The following DNAAF9 variants were observed in gnomAD, a reference collection of about 807,000 sequenced individuals.
The protein encoded by DNAAF9 is dynein axonemal assembly factor 9, also known as shulin.
Under a neutral mutation model 167.0 loss-of-function variants are expected in DNAAF9, and 90 were observed. That is an observed-to-expected ratio of 0.54 (90% CI 0.45 to 0.64). DNAAF9 has a LOEUF of 0.64. DNAAF9 is among the 30% of genes least tolerant of loss of function. The pLI, the probability that DNAAF9 is intolerant of heterozygous loss-of-function variation, is 0.00. For synonymous variants in DNAAF9, 491 were observed against 508.8 expected (o/e 0.96, Z 0.47); for missense variants, 1,315 against 1,442.2 (o/e 0.91, Z 1.43).
chr20:3,266,752 C>T (rs967795742), intron 30 of DNAAF9, among the ~76,000 whole-genome samples: 2 of 152,170 alleles, frequency 1.3e-5, no homozygotes, highest in African/African-American at 4.8e-5. Context: ...GCTGGGATTA[C>T]TGGCCTGAGC....
At chr20:3,391,475 A>G (rs925543934) in intron 1 of DNAAF9, among the ~76,000 whole-genome samples, 4 of 151,982 alleles carry the variant, frequency 2.6e-5, no homozygotes, top group African/African-American at 4.8e-5. Context: ...ATTTTGAGGG[A>G]AAAAAAGGAA....
At chr20:3,269,578 A>G (rs1208230591) in intron 30 of DNAAF9, among the ~76,000 whole-genome samples, 2 of 152,098 alleles carry the variant, frequency 1.3e-5, no homozygotes, top group South Asian at 2.1e-4. Flanking sequence ...CCATCCTTCA[A>G]TGGATGAGAA....
chr20:3,381,632 C>A, intron 2 of DNAAF9, 134 bp from the exon 3 acceptor site: 2 of 702,354 alleles, frequency 2.8e-6, no homozygotes, highest in Admixed American at 3.4e-5. Context: ...GTGCCAGAAA[C>A]CAAGCTAACC....
chr20:3,309,616 T>G (rs901381512), intron 20 of DNAAF9, among the ~76,000 whole-genome samples: 4 of 152,234 alleles, frequency 2.6e-5, no homozygotes, highest in African/African-American at 9.6e-5. Flanking sequence ...GACAGGTGGC[T>G]ACCTACATTT....
At chr20:3,304,386 A>G in intron 21 of DNAAF9, 54 bp downstream of exon 21, 1 of 833,712 alleles carries the variant, frequency 1.2e-6, no homozygotes, top group Non-Finnish European at 2.1e-6. Flanking sequence ...TTTTCCCCTC[A>G]AAAGTGTGAG....
At chr20:3,257,981 G>A (rs546406222) in intron 33 of DNAAF9, among the ~76,000 whole-genome samples, 9 of 93,132 alleles carry the variant, frequency 9.7e-5, no homozygotes, top group African/African-American at 4.6e-4. Context: ...TGCCTGCCTT[G>A]GCCTCCCAAA....
At position 3,265,046 on chromosome 20, in the gene DNAAF9, T is replaced by C. The variant is rs6139055; in HGVS notation, c.2787-522A>G. Among the ~76,000 whole-genome samples the C allele has an allele frequency of 7.6e-4, 116 of 152,262 alleles. 2 individuals are homozygous for C. In the East Asian group the frequency reaches 0.022, roughly 29 times the overall value. Reference sequence around the variant, plus strand: ...AGGACATTCTCTTACAGAACTACGATATCATGATCACATCCAAGGAATTTA... The same window carrying C: ...AGGACATTCTCTTACAGAACTACGACATCATGATCACATCCAAGGAATTTA... On this transcript the variant is annotated intron_variant, in intron 30 of 36. Coordinates refer to ENST00000252032, the MANE Select transcript of DNAAF9 (RefSeq NM_001009984.3).
chr20:3,401,111 T>G (rs1369780912), intron 1 of DNAAF9, among the ~76,000 whole-genome samples: 5 of 152,218 alleles, frequency 3.3e-5, no homozygotes, highest in Admixed American at 3.3e-4. Context: ...TGAGGGGTAA[T>G]GGCAACTAGC....
intron 21 of DNAAF9, among the ~76,000 whole-genome samples, chr20:3,300,912 G>GA (rs145974474): frequency 0.018 from 2,725 of 149,660 alleles, 86 homozygotes; most frequent in African/African-American, 0.061. Flanking sequence ...AACTCATTTT[G>GA]AAAAAAAATT....
chr20:3,276,993 T>G (rs2068685645), intron 29 of DNAAF9, among the ~76,000 whole-genome samples: 1 of 152,202 alleles, frequency 6.6e-6, no homozygotes, highest in Non-Finnish European at 1.5e-5. Flanking sequence ...TCAAACCTAG[T>G]ATCTCCTTGC....
At chr20:3,328,737 TAAGGA>T (rs980994528) in intron 12 of DNAAF9, among the ~76,000 whole-genome samples, 4 of 151,922 alleles carry the variant, frequency 2.6e-5, no homozygotes, top group African/African-American at 9.7e-5. Context: ...GACTTGTTGC[TAAGGA>T]AAGGAAACCC....
chr20:3,403,301 T>A (rs1370746599), intron 1 of DNAAF9, among the ~76,000 whole-genome samples: 1 of 152,104 alleles, frequency 6.6e-6, no homozygotes, highest in Non-Finnish European at 1.5e-5. Flanking sequence ...CTGGAAATCC[T>A]AAAACTTTTC....
chr20:3,313,483 A>G (rs1173591077), intron 20 of DNAAF9, among the ~76,000 whole-genome samples: 2 of 152,248 alleles, frequency 1.3e-5, no homozygotes, highest in Non-Finnish European at 2.9e-5. Context: ...GGATTTGCTT[A>G]GTAGAGGTTG....
At chr20:3,341,771 T>C (rs2070090329) in intron 9 of DNAAF9, among the ~76,000 whole-genome samples, 2 of 152,278 alleles carry the variant, frequency 1.3e-5, no homozygotes, top group African/African-American at 4.8e-5. Context: ...ATTGCAGTGA[T>C]GATAATATAT....
At chr20:3,393,281 G>A (rs1037196754) in intron 1 of DNAAF9, among the ~76,000 whole-genome samples, 1 of 152,080 alleles carries the variant, frequency 6.6e-6, no homozygotes, top group African/African-American at 2.4e-5. Context: ...GGGTTCAAGT[G>A]ATTCTCCTGC....
chr20:3,263,692 C>A (rs1259689781), intron 31 of DNAAF9, among the ~76,000 whole-genome samples: 1 of 152,182 alleles, frequency 6.6e-6, no homozygotes. Flanking sequence ...TTCAACAGAG[C>A]CTTCTGGGGC....
At chr20:3,269,203 G>A (rs1441772468) in intron 30 of DNAAF9, among the ~76,000 whole-genome samples, 7 of 146,714 alleles carry the variant, frequency 4.8e-5, no homozygotes, top group Admixed American at 3.4e-4. Context: ...CACTGCACCC[G>A]GCCACTTTTT....
In DNAAF9 at chr20:3,259,941, GC is replaced by G; in HGVS notation, c.2960del (p.Arg987ProfsTer29). The G allele has an allele frequency of 6.2e-7, 1 of 1,606,226 alleles. No homozygotes were observed. Among genetic ancestry groups the G allele is most frequent in the Non-Finnish European group, 8.5e-7 (1 of 1,172,656 alleles). ...GCTTACCTTTACATTTGGCCACAAA[GC>G]GAGTCTTCTCCAAGGGACGGCCAAA... The part of the protein sequence containing the change: ...VWFGRPLEKT[R>X]FVAKCKAIQS... On this transcript the variant is annotated frameshift_variant, in exon 32 of 37. Transcript: ENST00000252032. LOFTEE classifies it high-confidence loss of function.
chr20:3,254,803 A>G (rs1055310870), intron 35 of DNAAF9, among the ~76,000 whole-genome samples: 1 of 152,166 alleles, frequency 6.6e-6, no homozygotes, highest in Non-Finnish European at 1.5e-5. Context: ...GAGGCTCATC[A>G]AGGGGGTCTC....
Sources: gnomAD v4.1 joint callset for allele counts (sites outside exome capture counted in the v4.1 genomes callset) on GRCh38, gnomAD v4.1.1 for gene constraint, MANE v1.5 for transcripts, NCBI Gene and HGNC (gene_info 2026-07-23, HGNC 2026-07-21) for gene names.